RNF111: variants seen among roughly 807,000 people sequenced by gnomAD.
RNF111 encodes ring finger protein 111.
A neutral mutation model predicts 95.1 loss-of-function variants in RNF111; 17 were observed. The ratio of observed to expected loss-of-function variants is 0.18; its 90% CI spans 0.12 to 0.27. The LOEUF (loss-of-function observed/expected upper bound fraction) is 0.27, where lower values mean the gene tolerates loss of function less well. Among genes scored for constraint, RNF111 ranks in the 10% least tolerant of loss-of-function variants. The probability of loss-of-function intolerance (pLI) is 1.00; values close to 1 mark genes in which losing one functional copy is unlikely to be tolerated. For missense variants in RNF111, 1,189 were observed against 1,210.4 expected, an observed-to-expected ratio of 0.98 and a Z score of 0.26; for synonymous variants, 440 against 414.8, an observed-to-expected ratio of 1.06 and a Z score of -0.74.
intron 1 of RNF111, 125 bp downstream of exon 1, chr15:58,988,193 C>T (rs1028573583): frequency 6.6e-6 from 1 of 152,370 alleles, no homozygotes; most frequent in African/African-American, 2.4e-5. Flanking sequence ...CGGTGACCGG[C>T]CGGTTATCTC....
chr15:59,056,820 A>C (rs1435497049), intron 4 of RNF111, among the ~76,000 whole-genome samples: 1 of 152,234 alleles, frequency 6.6e-6, no homozygotes, highest in African/African-American at 2.4e-5. Flanking sequence ...TCAGTTAATT[A>C]AATATAGGGT....
At chr15:59,086,075 G>C (rs1217172215) in intron 10 of RNF111, among the ~76,000 whole-genome samples, 2 of 151,994 alleles carry the variant, frequency 1.3e-5, no homozygotes, top group Non-Finnish European at 2.9e-5. Flanking sequence ...CAGTTATTTT[G>C]CCGTAAGTGG....
chr15:59,071,328 A>G (rs2042917494), intron 6 of RNF111, among the ~76,000 whole-genome samples: 1 of 150,688 alleles, frequency 6.6e-6, no homozygotes, highest in Admixed American at 6.6e-5. Context: ...GAATACGAAG[A>G]AGTGATTCTT....
chr15:58,989,067 T>TGA (rs2038693235), intron 1 of RNF111, among the ~76,000 whole-genome samples: 1 of 152,206 alleles, frequency 6.6e-6, no homozygotes, highest in African/African-American at 2.4e-5. Flanking sequence ...TGTGTGTGTG[T>TGA]GATGGTTGTA....
intron 1 of RNF111, among the ~76,000 whole-genome samples, chr15:59,007,332 A>G (rs1172083504): frequency 6.6e-6 from 1 of 151,826 alleles, no homozygotes; most frequent in Non-Finnish European, 1.5e-5. Context: ...ATAGAAGCAT[A>G]CCGATACTTT....
At chr15:59,052,230 G>C in intron 2 of RNF111, 75 bp from the exon 3 acceptor site, 1 of 1,325,148 alleles carries the variant, frequency 7.5e-7, no homozygotes, top group Non-Finnish European at 1.0e-6. Context: ...GGTCTTCAAA[G>C]TCAAAATAAA....
At chr15:58,991,420 G>T (rs1002793210) in intron 1 of RNF111, among the ~76,000 whole-genome samples, 7 of 152,236 alleles carry the variant, frequency 4.6e-5, no homozygotes, top group Non-Finnish European at 1.0e-4. Flanking sequence ...CTGGTCTTCA[G>T]TGAAGGCACT....
At chr15:59,030,140 G>T (rs1049340688) in intron 1 of RNF111, among the ~76,000 whole-genome samples, 4 of 152,070 alleles carry the variant, frequency 2.6e-5, no homozygotes, top group Non-Finnish European at 5.9e-5. Context: ...CTGCTGTATT[G>T]TTTATTTAAC....
At chr15:59,072,830 G>A (rs1362479728) in intron 6 of RNF111, among the ~76,000 whole-genome samples, 1 of 144,428 alleles carries the variant, frequency 6.9e-6, no homozygotes, top group African/African-American at 2.6e-5. Context: ...GCAGTTTTTT[G>A]TTTGTTTGTT....
At chr15:59,078,739 A>C (rs1399398184) in intron 7 of RNF111, among the ~76,000 whole-genome samples, 1 of 151,852 alleles carries the variant, frequency 6.6e-6, no homozygotes, top group Non-Finnish European at 1.5e-5. Flanking sequence ...GGTGCCTGTA[A>C]TCGCAGCTAC....
rs1613602 is a variant in RNF111, at chr15:59,002,418, A to T, written c.-20+14350A>T. On this transcript the variant is annotated intron_variant, in intron 1 of 13. Transcript: ENST00000348370. The stretch of plus-strand genomic sequence containing the variant: ...TACCATGCTTTATTAGAACATTCTT[A>T]TGTGAGGGACAAGTTCCTGAAAATC... Among the ~76,000 whole-genome samples the T allele has an allele frequency of 7.6e-4, 115 of 152,310 alleles. No individual in the cohort carries two copies. In the East Asian group the frequency reaches 9.6e-3, roughly 13 times the overall value.
Position 59,092,543 on chromosome 15 carries a change from C to G in RNF111, c.2746C>G (p.Leu916Val), listed in dbSNP as rs746806319. 6.2e-7 allele frequency: 1 copy of G among 1,612,188 alleles called. No homozygotes were observed. Among genetic ancestry groups the G allele is most frequent in the African/African-American group, 1.3e-5 (1 of 74,842 alleles). Residue 916 changes from leucine (L) to valine (V), a missense_variant, in exon 13 of 14, where the codon CTG (leucine) becomes GTG (valine). Transcript: ENST00000348370. ...TYPHKYKKRK[L>V]HCKQDGEEGT... ...AACTGATTGGTTCTCACAGAGGAAACTGCACTGCAAACAAGATGGGGAAGA... is the reference window on the plus strand; with the variant it reads ...AACTGATTGGTTCTCACAGAGGAAAGTGCACTGCAAACAAGATGGGGAAGA...
At chr15:58,999,105 A>G (rs1378358458) in intron 1 of RNF111, among the ~76,000 whole-genome samples, 4 of 152,222 alleles carry the variant, frequency 2.6e-5, no homozygotes, top group African/African-American at 9.6e-5. Flanking sequence ...GTTATTAAAT[A>G]TACTACTCCC....
rs1172622300 is a variant in RNF111, at chr15:59,066,976, C to T, written c.1579C>T (p.Pro527Ser). 1.9e-6 allele frequency: 3 copies of T among 1,614,104 alleles called. No individual in the cohort carries two copies. The highest frequency in any genetic ancestry group is 2.5e-6 in the Non-Finnish European group (3 of 1,180,012). The change falls in exon 6 of 14, where the codon CCA becomes TCA. Residue 527 changes from proline to serine, a missense_variant. Transcript: ENST00000348370. ...HHHHTPHPAV[P>S]VSPSFSDPAC... is the part of the protein sequence containing the mutation. ...CCACCATACTCCCCACCCAGCTGTC[C>T]CAGTTTCTCCTTCCTTTAGTGATCC... is the stretch of plus-strand genomic sequence containing the variant.
chr15:59,084,266 C>CT lies in RNF111; in HGVS notation c.2423+15dup. 1 of 1,566,804 alleles carries CT rather than the reference C, an allele frequency of 6.4e-7. No individual in the cohort carries two copies. Among genetic ancestry groups the CT allele is most frequent in the Non-Finnish European group, 8.6e-7 (1 of 1,156,820 alleles). On this transcript the variant is annotated intron_variant, in intron 9 of 13. Coordinates refer to ENST00000348370, the MANE Select transcript of RNF111 (RefSeq NM_017610.8). Reference sequence around the variant, plus strand: ...GAGAGGTCTGCCTGGTCAGTATCTTCTTTAATTTCAAAACAGTGCTTCACA... The same window carrying CT: ...GAGAGGTCTGCCTGGTCAGTATCTTCTTTTAATTTCAAAACAGTGCTTCACA...
chr15:59,081,606 C>G (rs1473458149), intron 8 of RNF111, among the ~76,000 whole-genome samples: 1 of 151,740 alleles, frequency 6.6e-6, no homozygotes, highest in Non-Finnish European at 1.5e-5. Flanking sequence ...CCCGTAATCC[C>G]CAGTTGCTCA....
At chr15:59,056,422 T>C (rs1453238158) in intron 4 of RNF111, among the ~76,000 whole-genome samples, 2 of 152,204 alleles carry the variant, frequency 1.3e-5, no homozygotes, top group African/African-American at 2.4e-5. Context: ...TGAATACATA[T>C]GTGAATTTGC....
chr15:59,005,408 A>G (rs1425440796), intron 1 of RNF111, among the ~76,000 whole-genome samples: 2 of 152,240 alleles, frequency 1.3e-5, no homozygotes, highest in African/African-American at 4.8e-5. Context: ...AATTTTATCT[A>G]AATAAACTTA....
intron 1 of RNF111, among the ~76,000 whole-genome samples, chr15:58,993,182 A>G (rs1039005983): frequency 6.6e-6 from 1 of 151,850 alleles, no homozygotes; most frequent in Admixed American, 6.6e-5. Flanking sequence ...AAAAAAGAAA[A>G]TGTTCAATTG....
Sources: allele counts gnomAD v4.1 joint callset (sites outside exome capture counted in the v4.1 genomes callset), GRCh38; gene constraint gnomAD v4.1.1; transcripts MANE v1.5; gene names NCBI Gene and HGNC (gene_info 2026-07-23, HGNC 2026-07-21).